The following ZBTB25 variants were observed in gnomAD, a reference collection of about 807,000 sequenced individuals.
The protein encoded by ZBTB25 is zinc finger and BTB domain-containing protein 25.
In ZBTB25, 20 loss-of-function variants were observed where a neutral mutation model predicts 34.2. That is an observed-to-expected ratio of 0.58 (90% CI 0.41 to 0.85). ZBTB25 has a LOEUF of 0.85. ZBTB25 is among the 40% of genes least tolerant of loss of function. The pLI is 0.00. For missense variants in ZBTB25, 437 were observed against 521.8 expected, an observed-to-expected ratio of 0.84 and a Z score of 1.58; for synonymous variants, 175 against 186.4, an observed-to-expected ratio of 0.94 and a Z score of 0.50.
intron 1 of ZBTB25, chr14:64,503,025 G>T: frequency 1.0e-6 from 1 of 985,416 alleles, no homozygotes; most frequent in East Asian, 1.1e-4. Context: ...GGTGCCGTCA[G>T]GTTCCAGGTA....
chr14:64,468,433 G>C, intron 2 of ZBTB25: 2 of 1,607,744 alleles, frequency 1.2e-6, no homozygotes, highest in Non-Finnish European at 1.7e-6. Flanking sequence ...TAGAAAACAA[G>C]GATGAGAAGA....
At chr14:64,469,259 C>G (rs765696228) in intron 2 of ZBTB25, 45 of 1,613,364 alleles carry the variant, frequency 2.8e-5, no homozygotes, top group Non-Finnish European at 3.6e-5. Context: ...AGAAAGTGCA[C>G]CAAATGGAAA....
chr14:64,458,451 T>C (rs1426855124), intron 2 of ZBTB25: 5 of 711,202 alleles, frequency 7.0e-6, no homozygotes, highest in Non-Finnish European at 1.3e-5. Flanking sequence ...GGAGAGGGGA[T>C]AGTAATGAGA....
Position 64,503,684 on chromosome 14 carries a change from C to G in ZBTB25, c.-31G>C, listed in dbSNP as rs2079575099. On this transcript the variant is annotated 5_prime_UTR_variant, in exon 1 of 3. Transcript: ENST00000608382. ...ACCCAGATGCCGCCGCGGCGGCAGG[C>G]CGACTCCTCCGTGCAGGAGGGGCGG... 1 of 859,866 alleles carries G rather than the reference C, an allele frequency of 1.2e-6. No individual in the cohort carries two copies. 53.3% of individuals were successfully genotyped at this position (859,866 alleles called of 1,614,324 possible).
chr14:64,484,942 G>A lies in ZBTB25; in HGVS notation c.*1981C>T. On this transcript the variant is annotated 3_prime_UTR_variant, in exon 3 of 3. Transcript: ENST00000608382. ...AAAGTTTAAGATTAGACAAAGTTCT[G>A]ACCCCAAAGAACATACATTTGTTTT... The A allele has an allele frequency of 1.1e-6, 1 of 950,962 alleles. No homozygotes were observed. Among genetic ancestry groups the A allele is most frequent in the Non-Finnish European group, 1.3e-6 (1 of 798,656 alleles). The allele number at this position is 950,962 out of a possible 1,614,324, so 58.9% of individuals were successfully genotyped here.
At position 64,459,639 on chromosome 14, in the gene ZBTB25, A is replaced by G; in HGVS notation, c.174-10001T>C. 4 of 808,206 alleles carry G rather than the reference A, an allele frequency of 4.9e-6. No individual in the cohort carries two copies. In the South Asian group the frequency reaches 5.5e-5, roughly 11 times the overall value. 50.1% of individuals were successfully genotyped at this position (808,206 alleles called of 1,614,324 possible). A position where few individuals can be genotyped will look rare whatever the true frequency, so the allele number is the denominator to read the frequency against. On this transcript the variant is annotated intron_variant, in intron 2 of 2. Coordinates refer to the ZBTB25 transcript ENST00000555220. ...ACGCCCTAGAAGAGCTGGTGGCAGG[A>G]AAGGATGTAAATGTTAACAGCTTTG... is the stretch of plus-strand genomic sequence containing the variant.
At position 64,487,826 on chromosome 14, in the gene ZBTB25, T is replaced by G. The variant is rs1415759202; in HGVS notation, c.405A>C (p.Thr135=). The change falls in exon 3 of 3, where the codon ACA becomes ACC. Residue 135 remains threonine (T), a synonymous_variant. Coordinates refer to ENST00000608382, the MANE Select transcript of ZBTB25 (RefSeq NM_006977.5). ...CTTGTTTGACAACTGTTTTTTGGGT[T>G]GTTGAGATCTGAATGCCATATAAAT... is the stretch of plus-strand genomic sequence containing the variant. The part of the protein sequence containing the change: ...SSNLYGIQIS[T]TQKTVVKQGL... 2.5e-6 allele frequency: 4 copies of G among 1,614,156 alleles called. No homozygotes were observed. The highest frequency in any genetic ancestry group is 3.4e-6 in the Non-Finnish European group (4 of 1,180,024).
rs927124544 is a variant in ZBTB25 at position 64,486,632 on chromosome 14, T to G, written c.*291A>C. 7 of 984,002 alleles carry G rather than the reference T, an allele frequency of 7.1e-6. No homozygotes were observed. The highest frequency in any genetic ancestry group is 4.5e-4 in the Middle Eastern group (1 of 2,228). 61.0% of individuals were successfully genotyped at this position (984,002 alleles called of 1,614,324 possible). A position where few individuals can be genotyped will look rare whatever the true frequency, so the allele number is the denominator to read the frequency against. ...TACTGATTCTATAACTGGAAAAACT[T>G]AGAATTCTATAAATAACTATTTAAG... is the stretch of plus-strand genomic sequence containing the variant. On this transcript the variant is annotated 3_prime_UTR_variant, in exon 3 of 3. Transcript: ENST00000608382.
At chr14:64,495,848 T>C (rs998132478) in intron 1 of ZBTB25, among the ~76,000 whole-genome samples, 1 of 151,602 alleles carries the variant, frequency 6.6e-6, no homozygotes, top group East Asian at 1.9e-4. Flanking sequence ...CCAGCTACTC[T>C]GGAGGCTGAG....
Position 64,488,004 on chromosome 14 carries a change from A to G in ZBTB25, c.227T>C (p.Leu76Ser), listed in dbSNP as rs747412055. Residue 76 changes from leucine to serine, a missense_variant, in exon 3 of 3, where the codon TTG becomes TCG. By Grantham distance (145) the Leu-to-Ser change is moderately radical (BLOSUM62 -2). Coordinates refer to ENST00000608382, the MANE Select transcript of ZBTB25 (RefSeq NM_006977.5). Reference sequence around the variant, plus strand: ...TTTCCCCGTGTACATAATGTGCAACAAATAGCTGAATATGTCAGGTTGGAT... The same window carrying G: ...TTTCCCCGTGTACATAATGTGCAACGAATAGCTGAATATGTCAGGTTGGAT... ...TDIQPDIFSY[L>S]LHIMYTGKGP... 6.2e-7 allele frequency: 1 copy of G among 1,614,130 alleles called. No individual in the cohort carries two copies. The highest frequency in any genetic ancestry group is 8.5e-7 in the Non-Finnish European group (1 of 1,179,984).
Position 64,503,750 on chromosome 14 carries a change from G to A in ZBTB25, c.-97C>T. On this transcript the variant is annotated 5_prime_UTR_variant, in exon 1 of 3. Coordinates refer to ENST00000608382, the MANE Select transcript of ZBTB25 (RefSeq NM_006977.5). Reference sequence around the variant, plus strand: ...ACTGCAAGCAGTGGCGCCGGCTCACGCACCCCTCGGCCGCCTCTCGCGCGG... The same window carrying A: ...ACTGCAAGCAGTGGCGCCGGCTCACACACCCCTCGGCCGCCTCTCGCGCGG... 3.1e-6 allele frequency: 1 copy of A among 319,346 alleles called. No homozygotes were observed. The highest frequency in any genetic ancestry group is 4.5e-6 in the Non-Finnish European group (1 of 220,870). The allele number at this position is 319,346 out of a possible 1,614,324, so 19.8% of individuals were successfully genotyped here.
At position 64,503,344 on chromosome 14, in the gene ZBTB25, G is replaced by T. The variant is rs577782212; in HGVS notation, c.-8+317C>A. ...GCAGGCCTACTGGGGTTTCCTGCTG[G>T]GGGTCGCACCCGGACCCGCGGCCGG... On this transcript the variant is annotated intron_variant, in intron 1 of 2. Coordinates refer to ENST00000608382, the MANE Select transcript of ZBTB25 (RefSeq NM_006977.5). The T allele has an allele frequency of 1.5e-4, 148 of 985,374 alleles. 1 individual carries two copies. The African/African-American group carries it at 2.5e-3, about 16-fold the overall frequency. The allele number at this position is 985,374 out of a possible 1,614,324, so 61.0% of individuals were successfully genotyped here. A position where few individuals can be genotyped will look rare whatever the true frequency, so the allele number is the denominator to read the frequency against.
chr14:64,477,031 C>A (rs1205849050), downstream of ZBTB25, among the ~76,000 whole-genome samples: 1 of 152,152 alleles, frequency 6.6e-6, no homozygotes, highest in Non-Finnish European at 1.5e-5. Flanking sequence ...TTTGACCAAG[C>A]CATTAGTTGT....
intron 1 of ZBTB25, among the ~76,000 whole-genome samples, chr14:64,497,815 C>T (rs1018405161): frequency 5.3e-5 from 8 of 152,152 alleles, no homozygotes; most frequent in Non-Finnish European, 1.0e-4. Flanking sequence ...ATATCCTGGA[C>T]TACACAGCTC....
At chr14:64,456,737 C>T (rs2078481022) in intron 2 of ZBTB25, among the ~76,000 whole-genome samples, 1 of 152,162 alleles carries the variant, frequency 6.6e-6, no homozygotes, top group South Asian at 2.1e-4. Context: ...AGAATATAAA[C>T]CAGTTGTCAG....
intron 1 of ZBTB25, chr14:64,503,117 G>A: frequency 1.0e-6 from 1 of 985,506 alleles, no homozygotes; most frequent in Non-Finnish European, 1.2e-6. Flanking sequence ...ACGGTGATAA[G>A]ATGGGTCAAG....
chr14:64,467,754 A>T (rs894889214), intron 2 of ZBTB25: 1 of 152,154 alleles, frequency 6.6e-6, no homozygotes, highest in African/African-American at 2.4e-5. Context: ...GCAGCTTTAA[A>T]ATTATCTATT....
intron 1 of ZBTB25, among the ~76,000 whole-genome samples, chr14:64,501,741 C>A (rs1029737324): frequency 1.3e-5 from 2 of 152,192 alleles, no homozygotes; most frequent in African/African-American, 4.8e-5. Context: ...CCCAGCACAG[C>A]CCTGGCCAGG....
At chr14:64,497,593 T>C (rs1176521610) in intron 1 of ZBTB25, among the ~76,000 whole-genome samples, 1 of 152,244 alleles carries the variant, frequency 6.6e-6, no homozygotes, top group East Asian at 1.9e-4. Context: ...CATAATAGTT[T>C]TAGCATTGAT....
Sources: gnomAD v4.1 joint callset for allele counts (sites outside exome capture counted in the v4.1 genomes callset) on GRCh38, gnomAD v4.1.1 for gene constraint, MANE v1.5 for transcripts, NCBI Gene and HGNC (gene_info 2026-07-23, HGNC 2026-07-21) for gene names.